PLCG2: variants seen among roughly 807,000 people sequenced by gnomAD.
PLCG2 encodes the protein phospholipase C gamma 2, also known as 1-phosphatidylinositol 4,5-bisphosphate phosphodiesterase gamma-2.
PLCG2 carries 69 observed loss-of-function variants against 175.6 expected under a neutral mutation model. That is an observed-to-expected ratio of 0.39 (90% confidence interval 0.32 to 0.48). The LOEUF is 0.48. PLCG2 is among the 20% of genes least tolerant of loss of function. The pLI is 0.91. For synonymous variants in PLCG2, 827 were observed against 624.0 expected, an observed-to-expected ratio of 1.33 and a Z score of -4.85; for missense variants, 1,798 against 1,650.9, an observed-to-expected ratio of 1.09 and a Z score of -1.54.
At chr16:81,820,562 C>G (rs920842981) in intron 2 of PLCG2, among the ~76,000 whole-genome samples, 1 of 152,190 alleles carries the variant, frequency 6.6e-6, no homozygotes, top group Non-Finnish European at 1.5e-5. Flanking sequence ...CTCCCCCATT[C>G]TCCTCATGGG....
chr16:81,884,458 G>C (rs554837780), intron 9 of PLCG2, among the ~76,000 whole-genome samples: 1 of 151,952 alleles, frequency 6.6e-6, no homozygotes, highest in Non-Finnish European at 1.5e-5. Context: ...CTGTGAGAGT[G>C]AGATCAACTT....
rs111868520 is a variant in PLCG2 at position 81,845,756 on chromosome 16, T to A, written c.194-8688T>A. Among the ~76,000 whole-genome samples the A allele has an allele frequency of 4.5e-4, 69 of 152,322 alleles. 2 individuals are homozygous for A. The highest frequency in any genetic ancestry group is 1.6e-3 in the African/African-American group (67 of 41,580). On this transcript the variant is annotated intron_variant, in intron 2 of 32. Coordinates refer to ENST00000564138, the MANE Select transcript of PLCG2 (RefSeq NM_002661.5). ...TTCACCAAGATGCCCCTGCCTGATG[T>A]AAGATCAAGGGGTGGAGATGTCAAC...
chr16:81,899,289 T>TACACACAC (rs111338797), intron 13 of PLCG2, among the ~76,000 whole-genome samples: 9 of 92,426 alleles, frequency 9.7e-5, no homozygotes, highest in African/African-American at 3.4e-4. Flanking sequence ...TATATATATA[T>TACACACAC]ACACACACAC....
intron 2 of PLCG2, among the ~76,000 whole-genome samples, chr16:81,763,499 T>C (rs1910082215): frequency 6.6e-6 from 1 of 152,198 alleles, no homozygotes; most frequent in South Asian, 2.1e-4. Context: ...TGGGAAGATG[T>C]GAGCAGAGGT....
At chr16:81,781,096 G>T (rs1359580955) in intron 1 of PLCG2, among the ~76,000 whole-genome samples, 1 of 150,584 alleles carries the variant, frequency 6.6e-6, no homozygotes. Context: ...AACACAAAGA[G>T]AAAAATTTGC....
At chr16:81,928,502 T>A in intron 23 of PLCG2, 56 bp from the exon 24 acceptor site, 1 of 1,149,304 alleles carries the variant, frequency 8.7e-7, no homozygotes, top group Non-Finnish European at 1.3e-6. Flanking sequence ...GGAAACGGGT[T>A]TTCTTTTTAT....
chr16:81,791,494 G>C (rs958413564), intron 2 of PLCG2, among the ~76,000 whole-genome samples: 1 of 152,176 alleles, frequency 6.6e-6, no homozygotes, highest in Non-Finnish European at 1.5e-5. Flanking sequence ...TCGCCTGGAA[G>C]GTTCCAGAAT....
In PLCG2 at chr16:81,848,942, A is replaced by T. The variant is rs148374155; in HGVS notation, c.194-5502A>T. ...TTGGTTTGATTGAGCTGAGACTGGA[A>T]GGGAGAGCTTGGCACTAACCAGACT... On this transcript the variant is annotated intron_variant, in intron 2 of 32. Coordinates refer to ENST00000564138, the MANE Select transcript of PLCG2 (RefSeq NM_002661.5). Among the ~76,000 whole-genome samples, 11 of 152,312 alleles carry T rather than the reference A, an allele frequency of 7.2e-5. No individual in the cohort carries two copies. In the East Asian group the frequency reaches 2.1e-3, roughly 29 times the overall value.
chr16:81,950,256 G>A lies in PLCG2; in HGVS notation c.3570+3993G>A, dbSNP rs552147196. Among the ~76,000 whole-genome samples the A allele has an allele frequency of 6.6e-5, 10 of 152,280 alleles. No individual in the cohort carries two copies. In the South Asian group the frequency reaches 1.9e-3, roughly 28 times the overall value. On this transcript the variant is annotated intron_variant, in intron 31 of 32. Transcript: ENST00000564138. The stretch of plus-strand genomic sequence containing the variant: ...ATAAAACAAATAGGAATGGATGGAA[G>A]AGTTACTGGGAAAATTGGGAAGGAA...
rs376743516 is a variant in PLCG2 at position 81,910,485 on chromosome 16, G to A, written c.1734-35G>A. On this transcript the variant is annotated intron_variant, in intron 17 of 32. Coordinates refer to ENST00000564138, the MANE Select transcript of PLCG2 (RefSeq NM_002661.5). Reference sequence around the variant, plus strand: ...TGGCTGCCGCAATGGCCTGGCCTGCGTTCTCCCAGCACTGATGGCGTCCTC... The same window carrying A: ...TGGCTGCCGCAATGGCCTGGCCTGCATTCTCCCAGCACTGATGGCGTCCTC... The A allele has an allele frequency of 1.5e-3, 2,352 of 1,604,036 alleles. 2 individuals carry two copies. The highest frequency in any genetic ancestry group is 1.8e-3 in the Non-Finnish European group (2,136 of 1,172,742).
At chr16:81,844,042 C>T (rs4889410) in intron 2 of PLCG2, among the ~76,000 whole-genome samples, 12,652 of 142,106 alleles carry the variant, frequency 0.089, 566 homozygotes, top group Middle Eastern at 0.1. Flanking sequence ...AGTGGTGTGA[C>T]GTCGGCTCAC....
At chr16:81,933,936 G>T (rs2143719962) in intron 25 of PLCG2, among the ~76,000 whole-genome samples, 1 of 152,352 alleles carries the variant, frequency 6.6e-6, no homozygotes, top group South Asian at 2.1e-4. Flanking sequence ...GCACTGGGTA[G>T]TGGTCCCCTT....
intron 19 of PLCG2, among the ~76,000 whole-genome samples, chr16:81,918,489 A>C (rs988176020): frequency 6.6e-6 from 1 of 152,200 alleles, no homozygotes; most frequent in Non-Finnish European, 1.5e-5. Flanking sequence ...TCCCAACCCT[A>C]CTTATTTAAC....
chr16:81,873,736 C>T (rs1287274517), intron 7 of PLCG2, among the ~76,000 whole-genome samples: 1 of 151,876 alleles, frequency 6.6e-6, no homozygotes, highest in Admixed American at 6.6e-5. Flanking sequence ...TTGAGACTAG[C>T]CTGGGCAACA....
rs1465958738 is a variant in PLCG2, at chr16:81,753,346, T to G, written c.-144-2524T>G. 3.3e-5 allele frequency among the ~76,000 whole-genome samples: 5 copies of G among 150,104 alleles called. No individual in the cohort carries two copies. In the East Asian group the frequency reaches 9.8e-4, roughly 29 times the overall value. On this transcript the variant is annotated intron_variant, in intron 1 of 5. Coordinates refer to the PLCG2 transcript ENST00000565054. ...ATTGTGTTAAAGTCCTGGCAGGTTT[T>G]TTTTTTTTTTTTTTTTTTTTGTATT...
chr16:81,924,347 T>A (rs1204913125), intron 22 of PLCG2, among the ~76,000 whole-genome samples: 1 of 152,266 alleles, frequency 6.6e-6, no homozygotes, highest in East Asian at 1.9e-4. Context: ...GGCTTAGGAA[T>A]CTGAATAGCA....
chr16:81,927,102 C>A lies in PLCG2; in HGVS notation c.2438C>A (p.Thr813Asn), dbSNP rs2143701586. 6.2e-7 allele frequency: 1 copy of A among 1,613,318 alleles called. No individual in the cohort carries two copies. The highest frequency in any genetic ancestry group is 8.5e-7 in the Non-Finnish European group (1 of 1,179,270). ...PGGWWKGDYG[T>N]RIQQYFPSNY... ...TCCAGGTGGAAAGGAGACTATGGAA[C>A]CAGGATCCAGCAGTACTTCCCATCC... Residue 813 changes from threonine to asparagine, a missense_variant, in exon 23 of 33, where the codon ACC (threonine) becomes AAC (asparagine). Coordinates refer to ENST00000564138, the MANE Select transcript of PLCG2 (RefSeq NM_002661.5).
intron 5 of PLCG2, among the ~76,000 whole-genome samples, chr16:81,861,146 G>A (rs1469096716): frequency 1.3e-5 from 2 of 152,176 alleles, no homozygotes; most frequent in African/African-American, 4.8e-5. Flanking sequence ...CTTGTCTCAT[G>A]TTAGCCTCAC....
chr16:81,786,803 A>G (rs1910992047), intron 2 of PLCG2, among the ~76,000 whole-genome samples: 1 of 152,236 alleles, frequency 6.6e-6, no homozygotes, highest in African/African-American at 2.4e-5. Flanking sequence ...TTTCAGTTGC[A>G]AATATTTGCT....
Sources: allele counts gnomAD v4.1 joint callset (sites outside exome capture counted in the v4.1 genomes callset), GRCh38; gene constraint gnomAD v4.1.1; transcripts MANE v1.5; gene names NCBI Gene and HGNC (gene_info 2026-07-23, HGNC 2026-07-21).